Variants in SVEP1 observed in about 807,000 individuals in gnomAD.
SVEP1 encodes the protein sushi, von Willebrand factor type A, EGF and pentraxin domain containing 1.
Under a neutral mutation model 367.3 loss-of-function variants are expected in SVEP1, and 164 were observed. That is an observed-to-expected ratio of 0.45 (90% CI 0.39 to 0.51). The LOEUF is 0.51. SVEP1 is among the 20% of genes least tolerant of loss of function. The pLI, the probability that SVEP1 is intolerant of heterozygous loss-of-function variation, is 0.00. For missense variants in SVEP1, 4,117 were observed against 4,425.3 expected (o/e 0.93, Z 1.98); for synonymous variants, 1,666 against 1,611.6 (o/e 1.03, Z -0.81).
chr9:110,459,372 T>C (rs915044924), intron 18 of SVEP1, among the ~76,000 whole-genome samples: 3 of 152,206 alleles, frequency 2.0e-5, no homozygotes, highest in African/African-American at 7.2e-5. Flanking sequence ...TAACATGGTA[T>C]CATAAGTGTT....
intron 9 of SVEP1, among the ~76,000 whole-genome samples, chr9:110,487,851 G>T (rs1829306801): frequency 6.6e-6 from 1 of 152,070 alleles, no homozygotes; most frequent in African/African-American, 2.4e-5. Flanking sequence ...GCAGGAACTG[G>T]TCCCCTTGAC....
At chr9:110,461,828 A>G (rs962778918) in intron 18 of SVEP1, among the ~76,000 whole-genome samples, 3 of 152,174 alleles carry the variant, frequency 2.0e-5, no homozygotes, top group Admixed American at 6.5e-5. Flanking sequence ...ACATTTTTAA[A>G]CTGTATCTTT....
Position 110,389,529 on chromosome 9 carries a change from C to T in SVEP1, c.9881G>A (p.Cys3294Tyr), listed in dbSNP as rs1298877112. The T allele has an allele frequency of 6.2e-7, 1 of 1,613,652 alleles. No individual in the cohort carries two copies. The highest frequency in any genetic ancestry group is 8.5e-7 in the Non-Finnish European group (1 of 1,179,728). ...CTAAGTGTCATTCAACTCACCTTTG[C>T]ATATTGCCACCCCTCCACTCCACTG... is the stretch of plus-strand genomic sequence containing the variant. ...NRQWSGGVAICKETRCETPLE... is the reference protein window; with the variant it reads ...NRQWSGGVAIYKETRCETPLE... The change falls in exon 41 of 48, where the codon TGC (cysteine) becomes TAC (tyrosine). Residue 3294 changes from cysteine to tyrosine, a missense_variant. This residue lies in a region of SVEP1 where 1,765 missense variants were observed against 1,781.1 expected (regional missense o/e 0.99). Transcript: ENST00000374469.
chr9:110,424,936 A>G (rs1365743141), intron 36 of SVEP1, among the ~76,000 whole-genome samples: 1 of 152,224 alleles, frequency 6.6e-6, no homozygotes, highest in Non-Finnish European at 1.5e-5. Flanking sequence ...GGCCTCCCAA[A>G]GTGTTGGGAT....
intron 40 of SVEP1, among the ~76,000 whole-genome samples, chr9:110,390,370 T>TAAGTATATATATACGTATATATATA (rs1406748869): frequency 4.6e-5 from 4 of 86,418 alleles, no homozygotes; most frequent in African/African-American, 7.1e-5. Context: ...TATACTTATA[T>TAAGTATATATATACGTATATATATA]CTACTTATAT....
chr9:110,441,274 G>A (rs1828506033), intron 27 of SVEP1, among the ~76,000 whole-genome samples: 1 of 152,134 alleles, frequency 6.6e-6, no homozygotes, highest in Non-Finnish European at 1.5e-5. Context: ...TTCAAAAGCA[G>A]CCTCTATATT....
intron 43 of SVEP1, among the ~76,000 whole-genome samples, chr9:110,384,972 GATTTTT>G (rs967684752): frequency 7.9e-5 from 12 of 152,046 alleles, no homozygotes; most frequent in Admixed American, 2.6e-4. Flanking sequence ...CTGGCAGGGG[GATTTTT>G]ATTTTTATTT....
At chr9:110,505,312 C>T (rs1213783857) in intron 5 of SVEP1, among the ~76,000 whole-genome samples, 2 of 152,186 alleles carry the variant, frequency 1.3e-5, no homozygotes, top group South Asian at 2.1e-4. Context: ...TTTCATCATG[C>T]CCTCTATTCC....
chr9:110,565,066 T>C (rs1012235090), intron 1 of SVEP1, among the ~76,000 whole-genome samples: 1 of 152,174 alleles, frequency 6.6e-6, no homozygotes, highest in African/African-American at 2.4e-5. Context: ...AGCTAACTGC[T>C]ATAGCAAGGT....
intron 16 of SVEP1, 32 bp downstream of exon 16, chr9:110,471,332 C>T (rs1308992771): frequency 2.5e-6 from 4 of 1,587,186 alleles, no homozygotes; most frequent in Non-Finnish European, 3.5e-6. Flanking sequence ...CAGTATGCAC[C>T]AAATATTTTT....
intron 25 of SVEP1, 96 bp downstream of exon 25, chr9:110,446,804 G>A: frequency 8.9e-7 from 1 of 1,119,142 alleles, no homozygotes; most frequent in Non-Finnish European, 1.2e-6. Flanking sequence ...ATCGTTTTTG[G>A]CCTACGGACA....
intron 3 of SVEP1, among the ~76,000 whole-genome samples, chr9:110,521,851 G>C (rs1381449662): frequency 1.3e-5 from 2 of 152,040 alleles, no homozygotes; most frequent in African/African-American, 4.8e-5. Context: ...AATCATGTAA[G>C]AAAGAGAAAA....
At chr9:110,403,157 T>C (rs1048557715) in intron 39 of SVEP1, among the ~76,000 whole-genome samples, 1 of 152,042 alleles carries the variant, frequency 6.6e-6, no homozygotes, top group African/African-American at 2.4e-5. Flanking sequence ...TTTAATCCCC[T>C]GACACCAACC....
chr9:110,405,204 G>C (rs1336608135), intron 38 of SVEP1, among the ~76,000 whole-genome samples: 1 of 152,010 alleles, frequency 6.6e-6, no homozygotes, highest in Non-Finnish European at 1.5e-5. Flanking sequence ...GGAAATTCTA[G>C]ACAGTCCAAA....
intron 16 of SVEP1, 81 bp from the exon 17 acceptor site, chr9:110,469,182 G>C (rs1463415737): frequency 7.1e-7 from 1 of 1,399,756 alleles, no homozygotes; most frequent in Non-Finnish European, 9.6e-7. Flanking sequence ...AGACATGAAA[G>C]TAATAAAGCA....
intron 46 of SVEP1, 22 bp downstream of exon 46, chr9:110,375,346 A>AC (rs1338884290): frequency 3.2e-6 from 5 of 1,544,548 alleles, no homozygotes; most frequent in Non-Finnish European, 4.4e-6. Context: ...CACCAAGAAA[A>AC]CAAACCATGA....
At chr9:110,387,588 G>GATATTCATTGAAGGAGAAAA in intron 41 of SVEP1, 130 bp from the exon 42 acceptor site, 2 of 1,022,150 alleles carry the variant, frequency 2.0e-6, no homozygotes, top group Admixed American at 3.3e-5. Context: ...GAAGCACAGT[G>GATATTCATTGAAGGAGAAAA]ATATTCATTG....
At chr9:110,513,197 C>T in intron 4 of SVEP1, 92 bp from the exon 5 acceptor site, 2 of 1,194,256 alleles carry the variant, frequency 1.7e-6, no homozygotes, top group Admixed American at 2.8e-5. Flanking sequence ...GGCATTTATG[C>T]ATATGTGTCA....
In SVEP1 at chr9:110,375,465, T is replaced by TAAAAAAAA. The variant is rs71373993; in HGVS notation, c.10505-10_10505-3dup. ...TCAGACAGGGAAGAATGCAGATTGC[T>TAAAAAAAA]AAAAAAAAAAAAAAAAAAAAAAAAA... On this transcript the variant is annotated splice_region_variant and splice_polypyrimidine_tract_variant and intron_variant, in intron 45 of 47. Transcript: ENST00000374469. 7.6e-3 allele frequency: 4,224 copies of TAAAAAAAA among 556,636 alleles called. 221 individuals are homozygous for TAAAAAAAA. The highest frequency in any genetic ancestry group is 0.012 in the South Asian group (457 of 38,854). The allele number at this position is 556,636 out of a possible 1,614,324, so 34.5% of individuals were successfully genotyped here.
Sources: allele counts gnomAD v4.1 joint callset (sites outside exome capture counted in the v4.1 genomes callset), GRCh38; gene constraint gnomAD v4.1.1; regional missense constraint gnomAD v4.1.1; transcripts MANE v1.5; gene names NCBI Gene and HGNC (gene_info 2026-07-23, HGNC 2026-07-21).